NRG1: variants seen among roughly 807,000 people sequenced by gnomAD.
The protein encoded by NRG1 is neuregulin 1, also known as pro-neuregulin-1, membrane-bound isoform.
NRG1 carries 18 observed loss-of-function variants against 63.8 expected under a neutral mutation model. The observed-to-expected ratio is 0.28, with a 90% CI of 0.19 to 0.42. The LOEUF is 0.42. NRG1 is among the 10% of genes least tolerant of loss of function. The pLI, the probability that NRG1 is intolerant of heterozygous loss-of-function variation, is 1.00. For synonymous variants in NRG1, 302 were observed against 301.3 expected (o/e 1.00, Z -0.02); for missense variants, 762 against 814.7 (o/e 0.94, Z 0.79).
chr8:32,090,660 G>A (rs1361719282), intron 1 of NRG1, among the ~76,000 whole-genome samples: 1 of 152,288 alleles, frequency 6.6e-6, no homozygotes, highest in Middle Eastern at 3.4e-3. Flanking sequence ...TTTATCATCA[G>A]AGACATTAAA....
intron 1 of NRG1, among the ~76,000 whole-genome samples, chr8:32,130,122 T>C (rs937082741): frequency 5.3e-5 from 8 of 151,964 alleles, no homozygotes; most frequent in Non-Finnish European, 1.0e-4. Context: ...AGGAGATCTC[T>C]GTGGTTAGAC....
intron 1 of NRG1, among the ~76,000 whole-genome samples, chr8:32,328,428 C>CT (rs61698666): frequency 0.099 from 14,034 of 141,206 alleles, 640 homozygotes; most frequent in Middle Eastern, 0.14. Flanking sequence ...AATTTAACAT[C>CT]TTTTTTTTTT....
intron 1 of NRG1, among the ~76,000 whole-genome samples, chr8:32,310,311 TTTC>T (rs1336678127): frequency 2.0e-5 from 3 of 152,246 alleles, no homozygotes; most frequent in Non-Finnish European, 4.4e-5. Flanking sequence ...GGGCTGATTC[TTTC>T]TCAAATATTT....
intron 1 of NRG1, among the ~76,000 whole-genome samples, chr8:31,813,516 C>CTTTTCTTTTCTTTTCTTTTTTTTTT: frequency 3.4e-4 from 34 of 101,204 alleles, no homozygotes; most frequent in East Asian, 1.1e-3. Context: ...CTTTTCTTTT[C>CTTTTCTTTTCTTTTCTTTTTTTTTT]TTTTTTTTTT....
At chr8:31,742,285 C>A (rs533219119) in intron 1 of NRG1, among the ~76,000 whole-genome samples, 61 of 151,870 alleles carry the variant, frequency 4.0e-4, no homozygotes, top group African/African-American at 1.3e-3. Context: ...GTCATGCTAT[C>A]TACAAATGTG....
chr8:31,642,354 C>T (rs1422659756), intron 1 of NRG1, among the ~76,000 whole-genome samples: 2 of 152,186 alleles, frequency 1.3e-5, no homozygotes, highest in Non-Finnish European at 2.9e-5. Flanking sequence ...ATTCACACCA[C>T]ATGGTGGGAA....
intron 1 of NRG1, among the ~76,000 whole-genome samples, chr8:31,822,981 G>A (rs1405029651): frequency 1.3e-5 from 2 of 152,116 alleles, no homozygotes; most frequent in African/African-American, 4.8e-5. Flanking sequence ...GTGAAAAATG[G>A]CAGAAAAGAT....
chr8:31,723,109 T>G (rs376160632), intron 1 of NRG1, among the ~76,000 whole-genome samples: 1 of 152,194 alleles, frequency 6.6e-6, no homozygotes, highest in Non-Finnish European at 1.5e-5. Context: ...GAACTTAATC[T>G]TGATCTTATA....
At chr8:32,198,662 A>T (rs1467903432) in intron 1 of NRG1, among the ~76,000 whole-genome samples, 5 of 152,216 alleles carry the variant, frequency 3.3e-5, no homozygotes, top group Non-Finnish European at 5.9e-5. Context: ...CTGAGATTTT[A>T]TACATGTCAT....
intron 1 of NRG1, among the ~76,000 whole-genome samples, chr8:32,451,629 A>G (rs57184903): frequency 0.13 from 20,210 of 152,202 alleles, 1,635 homozygotes; most frequent in Admixed American, 0.26. Flanking sequence ...TGGGGATCAA[A>G]TTGTTTGAGT....
intron 1 of NRG1, among the ~76,000 whole-genome samples, chr8:32,084,469 T>A (rs955118597): frequency 6.6e-6 from 1 of 152,166 alleles, no homozygotes; most frequent in Non-Finnish European, 1.5e-5. Flanking sequence ...TTATAGCTTG[T>A]GCCATCTATA....
intron 1 of NRG1, among the ~76,000 whole-genome samples, chr8:32,281,809 C>T (rs1852886360): frequency 6.6e-6 from 1 of 151,938 alleles, no homozygotes; most frequent in Non-Finnish European, 1.5e-5. Flanking sequence ...AGTGAGACCC[C>T]CCCCATCTCT....
chr8:32,721,904 A>G, intron 5 of NRG1: 1 of 1,459,442 alleles, frequency 6.9e-7, no homozygotes, highest in Non-Finnish European at 9.0e-7. Context: ...CCCCAGTAGG[A>G]GTTCAGTCTG....
At chr8:31,857,225 G>C (rs909927022) in intron 1 of NRG1, among the ~76,000 whole-genome samples, 4 of 152,222 alleles carry the variant, frequency 2.6e-5, no homozygotes, top group Non-Finnish European at 4.4e-5. Context: ...CTGCCGCCTT[G>C]CAGTTTGATC....
chr8:32,588,217 C>T (rs1435801721), intron 1 of NRG1, among the ~76,000 whole-genome samples: 1 of 152,118 alleles, frequency 6.6e-6, no homozygotes, highest in Non-Finnish European at 1.5e-5. Flanking sequence ...CCACCAGCGC[C>T]CAGCCCTCTA....
intron 1 of NRG1, among the ~76,000 whole-genome samples, chr8:32,204,111 G>A (rs957328706): frequency 2.0e-5 from 3 of 152,152 alleles, no homozygotes; most frequent in Non-Finnish European, 2.9e-5. Context: ...GAGAGAATGG[G>A]TATGACATGT....
intron 1 of NRG1, among the ~76,000 whole-genome samples, chr8:32,140,605 G>T (rs532275797): frequency 6.6e-6 from 1 of 151,958 alleles, no homozygotes; most frequent in African/African-American, 2.4e-5. Flanking sequence ...GGGACTACAG[G>T]CATGTGCCAC....
intron 1 of NRG1, among the ~76,000 whole-genome samples, chr8:32,476,169 G>C (rs1206804018): frequency 1.3e-5 from 2 of 152,164 alleles, no homozygotes; most frequent in Non-Finnish European, 2.9e-5. Context: ...AGGAAAATTG[G>C]AGAAGATATC....
At chr8:32,747,605 A>G (rs920379617) in intron 7 of NRG1, among the ~76,000 whole-genome samples, 7 of 151,946 alleles carry the variant, frequency 4.6e-5, no homozygotes, top group Non-Finnish European at 7.4e-5. Context: ...TTTATGAAAA[A>G]TATAGCTTAT....
Sources: gnomAD v4.1 joint callset for allele counts (sites outside exome capture counted in the v4.1 genomes callset) on GRCh38, gnomAD v4.1.1 for gene constraint, MANE v1.5 for transcripts, NCBI Gene and HGNC (gene_info 2026-07-23, HGNC 2026-07-21) for gene names.